AGBL4: variants seen among roughly 807,000 people sequenced by gnomAD.
AGBL4 encodes the protein cytosolic carboxypeptidase 6.
Under a neutral mutation model 66.4 loss-of-function variants are expected in AGBL4, and 58 were observed. That is an observed-to-expected ratio of 0.87 (90% confidence interval 0.71 to 1.09). The LOEUF (loss-of-function observed/expected upper bound fraction) is 1.09, where lower values mean the gene tolerates loss of function less well. Among genes scored for constraint, AGBL4 ranks in the 50% least tolerant of loss-of-function variants. The probability of loss-of-function intolerance (pLI) is 0.00; values close to 1 mark genes in which losing one functional copy is unlikely to be tolerated. For missense variants in AGBL4, 579 were observed against 631.0 expected (o/e 0.92, Z 0.88); for synonymous variants, 234 against 222.9 (o/e 1.05, Z -0.44).
intron 11 of AGBL4, among the ~76,000 whole-genome samples, chr1:48,566,380 A>G (rs931772870): frequency 2.0e-5 from 3 of 152,224 alleles, no homozygotes; most frequent in Admixed American, 2.0e-4. Flanking sequence ...CTCTCAATAA[A>G]TAGTTGTTAA....
At chr1:49,109,150 G>A (rs1420091009) in intron 4 of AGBL4, among the ~76,000 whole-genome samples, 3 of 152,106 alleles carry the variant, frequency 2.0e-5, no homozygotes, top group Admixed American at 6.5e-5. Flanking sequence ...CAGCAGCTGG[G>A]GACAGATAGG....
intron 1 of AGBL4, among the ~76,000 whole-genome samples, chr1:49,987,943 T>C (rs1412232602): frequency 6.6e-6 from 1 of 151,390 alleles, no homozygotes; most frequent in African/African-American, 2.4e-5. Context: ...AAAAAACATG[T>C]ACGAATTTAA....
intron 1 of AGBL4, among the ~76,000 whole-genome samples, chr1:49,943,677 G>A (rs576608025): frequency 1.3e-5 from 2 of 151,574 alleles, no homozygotes; most frequent in South Asian, 4.2e-4. Context: ...CCTCACAAAG[G>A]TCCTTTGAGA....
chr1:49,416,637 AAGT>A (rs1645432084), intron 3 of AGBL4, among the ~76,000 whole-genome samples: 1 of 152,164 alleles, frequency 6.6e-6, no homozygotes, highest in African/African-American at 2.4e-5. Flanking sequence ...TACTTTGGGC[AAGT>A]CATTTAGCTT....
At chr1:49,173,138 C>T (rs1646769024) in intron 4 of AGBL4, among the ~76,000 whole-genome samples, 1 of 151,942 alleles carries the variant, frequency 6.6e-6, no homozygotes, top group Non-Finnish European at 1.5e-5. Context: ...AAATAGTACT[C>T]TATACCAAAC....
At chr1:49,675,740 G>C (rs6693344) in intron 3 of AGBL4, among the ~76,000 whole-genome samples, 64,344 of 151,764 alleles carry the variant, frequency 0.42, 16,153 homozygotes, top group Non-Finnish European at 0.57. Context: ...TCTACTAAGG[G>C]AGACAGTATA....
At chr1:49,262,498 T>C (rs1180747509) in intron 3 of AGBL4, among the ~76,000 whole-genome samples, 2 of 152,158 alleles carry the variant, frequency 1.3e-5, no homozygotes, top group African/African-American at 4.8e-5. Flanking sequence ...GGGCAAAGTA[T>C]ATGAACAGAC....
chr1:49,076,323 C>T (rs1331476808), intron 4 of AGBL4, among the ~76,000 whole-genome samples: 1 of 152,172 alleles, frequency 6.6e-6, no homozygotes, highest in African/African-American at 2.4e-5. Flanking sequence ...TAAATCATTT[C>T]AAGATTACTT....
At chr1:49,930,423 C>G (rs866966990) in intron 1 of AGBL4, among the ~76,000 whole-genome samples, 1 of 152,010 alleles carries the variant, frequency 6.6e-6, no homozygotes, top group African/African-American at 2.4e-5. Flanking sequence ...CTTTCAGAAA[C>G]TTGAAAAGAA....
intron 3 of AGBL4, among the ~76,000 whole-genome samples, chr1:49,492,716 C>G (rs1013796800): frequency 1.3e-4 from 20 of 151,982 alleles, no homozygotes; most frequent in African/African-American, 4.6e-4. Flanking sequence ...GATCCAGGAG[C>G]TTTTCATCTC....
chr1:48,682,553 T>C lies in AGBL4; in HGVS notation c.635-19312A>G, dbSNP rs550228491. On this transcript the variant is annotated intron_variant, in intron 6 of 13. Coordinates refer to ENST00000371839, the MANE Select transcript of AGBL4 (RefSeq NM_032785.4). The stretch of plus-strand genomic sequence containing the variant: ...CCTCCTGAGTAGCTGGGAATACACC[T>C]GGCTAATTTTTAAAATTCCTTGTAG... Among the ~76,000 whole-genome samples, 3 of 152,002 alleles carry C rather than the reference T, an allele frequency of 2.0e-5. No homozygotes were observed. The South Asian group carries it at 6.2e-4, about 32-fold the overall frequency.
intron 5 of AGBL4, among the ~76,000 whole-genome samples, chr1:49,016,905 T>C (rs1277292338): frequency 6.6e-6 from 1 of 152,108 alleles, no homozygotes; most frequent in Non-Finnish European, 1.5e-5. Flanking sequence ...TGAGGCTCAA[T>C]GAGGAGAAGA....
intron 9 of AGBL4, among the ~76,000 whole-genome samples, chr1:48,602,693 C>G (rs1278611405): frequency 1.3e-5 from 2 of 152,060 alleles, no homozygotes; most frequent in African/African-American, 4.8e-5. Context: ...TGGTTCCTAT[C>G]TGCTTTATTT....
intron 6 of AGBL4, among the ~76,000 whole-genome samples, chr1:48,706,014 T>A (rs560446386): frequency 6.6e-6 from 1 of 152,254 alleles, no homozygotes; most frequent in African/African-American, 2.4e-5. Context: ...TTTCAGACAT[T>A]CCTACTTAGG....
chr1:49,580,551 GTCC>G (rs1353421768), intron 3 of AGBL4, among the ~76,000 whole-genome samples: 2 of 152,078 alleles, frequency 1.3e-5, no homozygotes, highest in African/African-American at 4.8e-5. Flanking sequence ...ATGTTTATAA[GTCC>G]TCTGAGCATT....
At chr1:48,963,784 C>T (rs946150940) in intron 5 of AGBL4, among the ~76,000 whole-genome samples, 5 of 152,168 alleles carry the variant, frequency 3.3e-5, no homozygotes, top group African/African-American at 1.2e-4. Context: ...TCAAAAGGAG[C>T]TTATTAGCTG....
intron 3 of AGBL4, among the ~76,000 whole-genome samples, chr1:49,265,117 T>C (rs952650335): frequency 6.6e-6 from 1 of 152,238 alleles, no homozygotes; most frequent in Non-Finnish European, 1.5e-5. Flanking sequence ...CCTAGTTTTA[T>C]ATTACAAATG....
intron 3 of AGBL4, among the ~76,000 whole-genome samples, chr1:49,446,551 T>A (rs558545411): frequency 6.6e-6 from 1 of 152,180 alleles, no homozygotes. Context: ...GAAAGCCAGA[T>A]GGACCAGTAT....
chr1:48,962,096 CCCAT>C (rs372705417), intron 5 of AGBL4, among the ~76,000 whole-genome samples: 23 of 151,144 alleles, frequency 1.5e-4, no homozygotes, highest in East Asian at 1.2e-3. Context: ...CTTAAAAGAT[CCCAT>C]CCATCCATCC....
Sources: allele counts gnomAD v4.1 joint callset (sites outside exome capture counted in the v4.1 genomes callset), GRCh38; gene constraint gnomAD v4.1.1; transcripts MANE v1.5; gene names NCBI Gene and HGNC (gene_info 2026-07-23, HGNC 2026-07-21).